The following DYNC1I1 variants were observed in gnomAD, a reference collection of about 807,000 sequenced individuals.
DYNC1I1 encodes the protein dynein cytoplasmic 1 intermediate chain 1, also known as cytoplasmic dynein 1 intermediate chain 1.
DYNC1I1 carries 43 observed loss-of-function variants against 86.6 expected under a neutral mutation model. That is an observed-to-expected ratio of 0.50 (90% CI 0.39 to 0.64). The LOEUF is 0.64. Ranked by LOEUF, DYNC1I1 falls within the 30% of genes least tolerant of loss-of-function variation. The pLI, the probability that DYNC1I1 is intolerant of heterozygous loss-of-function variation, is 0.00. For missense variants in DYNC1I1, 604 were observed against 788.8 expected (o/e 0.77, Z 2.81); for synonymous variants, 262 against 283.7 (o/e 0.92, Z 0.77).
intron 16 of DYNC1I1, among the ~76,000 whole-genome samples, chr7:96,083,986 G>A (rs752851719): frequency 9.2e-5 from 14 of 152,158 alleles, no homozygotes; most frequent in Non-Finnish European, 1.8e-4. Context: ...TCCTCAGTAC[G>A]TTGAATACAT....
At chr7:95,902,930 T>G (rs1488512) in intron 6 of DYNC1I1, among the ~76,000 whole-genome samples, 19,568 of 152,234 alleles carry the variant, frequency 0.13, 1,328 homozygotes, top group South Asian at 0.22. Context: ...GAGAACAGTA[T>G]GAAAGCTATC....
chr7:95,915,670 A>C (rs888932944), intron 6 of DYNC1I1, among the ~76,000 whole-genome samples: 2 of 152,336 alleles, frequency 1.3e-5, no homozygotes, highest in East Asian at 3.9e-4. Context: ...ATTGCTGTCA[A>C]ATAAAAGTCA....
At chr7:96,001,944 A>G (rs966773236) in intron 10 of DYNC1I1, among the ~76,000 whole-genome samples, 6 of 152,180 alleles carry the variant, frequency 3.9e-5, no homozygotes, top group African/African-American at 1.2e-4. Flanking sequence ...TTGTTTTACT[A>G]TTATTGCATG....
intron 3 of DYNC1I1, among the ~76,000 whole-genome samples, chr7:95,811,794 C>G (rs1489875263): frequency 6.6e-6 from 1 of 152,004 alleles, no homozygotes; most frequent in Non-Finnish European, 1.5e-5. Flanking sequence ...TTTTTTTCTA[C>G]TTAGTTGACA....
chr7:95,960,231 C>T (rs746409482), intron 6 of DYNC1I1, among the ~76,000 whole-genome samples: 6 of 152,248 alleles, frequency 3.9e-5, no homozygotes, highest in South Asian at 2.1e-4. Context: ...CTCAGCCTCC[C>T]GAGTAGCTGG....
intron 7 of DYNC1I1, among the ~76,000 whole-genome samples, chr7:95,983,117 T>C (rs1793496257): frequency 6.6e-6 from 1 of 152,106 alleles, no homozygotes; most frequent in Non-Finnish European, 1.5e-5. Flanking sequence ...GTTCTTTGTG[T>C]TATTTATGAC....
intron 9 of DYNC1I1, among the ~76,000 whole-genome samples, chr7:95,989,816 G>A (rs1450765474): frequency 6.6e-6 from 1 of 152,182 alleles, no homozygotes; most frequent in South Asian, 2.1e-4. Context: ...TGTATATGAG[G>A]CGTAAGAAAA....
intron 16 of DYNC1I1, among the ~76,000 whole-genome samples, chr7:96,109,104 G>A (rs1791265275): frequency 1.3e-5 from 2 of 152,048 alleles, no homozygotes; most frequent in South Asian, 4.2e-4. Context: ...TAATGATTAT[G>A]TGGGTTTTTT....
At chr7:96,029,951 A>C (rs1015827412) in intron 11 of DYNC1I1, among the ~76,000 whole-genome samples, 6 of 151,788 alleles carry the variant, frequency 4.0e-5, no homozygotes, top group Non-Finnish European at 5.9e-5. Flanking sequence ...AAAGAAACAA[A>C]ACTTGTCCAC....
chr7:95,823,160 A>C (rs1209973954), intron 4 of DYNC1I1, among the ~76,000 whole-genome samples: 1 of 152,124 alleles, frequency 6.6e-6, no homozygotes, highest in African/African-American at 2.4e-5. Context: ...TATAAGACCT[A>C]GTGGACTACC....
chr7:96,081,687 A>G (rs149850208), intron 16 of DYNC1I1, among the ~76,000 whole-genome samples: 86 of 152,326 alleles, frequency 5.6e-4, no homozygotes, highest in African/African-American at 1.9e-3. Flanking sequence ...TTAGCTGATC[A>G]CACTGAGAAG....
intron 6 of DYNC1I1, among the ~76,000 whole-genome samples, chr7:95,960,043 A>T (rs1018366852): frequency 6.6e-6 from 1 of 152,210 alleles, no homozygotes; most frequent in African/African-American, 2.4e-5. Context: ...ACAGGAGATC[A>T]TATATTGTAA....
At chr7:95,814,188 C>T (rs1275685977) in intron 4 of DYNC1I1, among the ~76,000 whole-genome samples, 1 of 152,064 alleles carries the variant, frequency 6.6e-6, no homozygotes, top group Non-Finnish European at 1.5e-5. Context: ...ATATGATGGA[C>T]CCAATTTTTC....
chr7:95,930,028 T>G (rs1378965370), intron 6 of DYNC1I1, among the ~76,000 whole-genome samples: 2 of 152,232 alleles, frequency 1.3e-5, no homozygotes, highest in African/African-American at 4.8e-5. Flanking sequence ...TCACGAATGC[T>G]AGAGAAGTAG....
At chr7:95,972,868 T>A (rs575571022) in intron 6 of DYNC1I1, among the ~76,000 whole-genome samples, 3 of 152,322 alleles carry the variant, frequency 2.0e-5, no homozygotes, top group Non-Finnish European at 4.4e-5. Context: ...AGGAAGACAG[T>A]GGTTACCAAA....
chr7:95,928,677 C>T (rs1791809436), intron 6 of DYNC1I1, among the ~76,000 whole-genome samples: 1 of 152,102 alleles, frequency 6.6e-6, no homozygotes, highest in Non-Finnish European at 1.5e-5. Context: ...TCTCTGTTGC[C>T]TTTTACCTGA....
chr7:95,775,971 C>G (rs141623166), intron 1 of DYNC1I1, among the ~76,000 whole-genome samples: 1,724 of 152,276 alleles, frequency 0.011, 28 homozygotes, highest in African/African-American at 0.019. Flanking sequence ...CTTGACTGGG[C>G]ACAGTAGCTT....
chr7:95,914,663 CTAA>C (rs1319986098), intron 6 of DYNC1I1, among the ~76,000 whole-genome samples: 1 of 152,148 alleles, frequency 6.6e-6, no homozygotes, highest in African/African-American at 2.4e-5. Flanking sequence ...ATGAAACTAC[CTAA>C]TAATTTATTA....
intron 6 of DYNC1I1, among the ~76,000 whole-genome samples, chr7:95,888,686 C>T (rs776522184): frequency 8.5e-5 from 13 of 152,106 alleles, no homozygotes; most frequent in Non-Finnish European, 1.5e-4. Flanking sequence ...AAATTCATTT[C>T]GGCAGGCCAC....
Sources: gnomAD v4.1 joint callset for allele counts (sites outside exome capture counted in the v4.1 genomes callset) on GRCh38, gnomAD v4.1.1 for gene constraint, MANE v1.5 for transcripts, NCBI Gene and HGNC (gene_info 2026-07-23, HGNC 2026-07-21) for gene names.